Variants in TRAPPC9 observed in about 807,000 individuals in gnomAD.
TRAPPC9 encodes the protein IKK2 binding protein.
TRAPPC9 carries 83 observed loss-of-function variants against 124.0 expected under a neutral mutation model. The observed-to-expected ratio is 0.67, with a 90% CI of 0.56 to 0.80. The LOEUF is 0.80. Among genes scored for constraint, TRAPPC9 ranks in the 30% least tolerant of loss-of-function variants. The pLI is 0.00. For synonymous variants in TRAPPC9, 638 were observed against 617.5 expected (o/e 1.03, Z -0.49); for missense variants, 1,302 against 1,508.3 (o/e 0.86, Z 2.27).
Position 139,997,897 on chromosome 8 carries a change from C to T in TRAPPC9, c.2700-9061G>A, listed in dbSNP as rs1554603728. Among the ~76,000 whole-genome samples, 119 of 18,864 alleles carry T rather than the reference C, an allele frequency of 6.3e-3. 2 individuals carry two copies. The highest frequency in any genetic ancestry group is 0.062 in the Middle Eastern group (1 of 16). 12.4% of individuals were successfully genotyped at this position (18,864 alleles called of 152,430 possible). ...CCCACACAGGGGAGACAATGCATCC[C>T]ACACAGGGGAGACAATGCATCCCAC... On this transcript the variant is annotated intron_variant, in intron 18 of 22. Coordinates refer to ENST00000438773, the MANE Select transcript of TRAPPC9 (RefSeq NM_001160372.4).
Position 139,857,515 on chromosome 8 carries a change from T to C in TRAPPC9, c.3055+28364A>G, listed in dbSNP as rs116820280. ...AACGTGGACCCCAGTCCAGGCCTGC[T>C]GACACCAAGTCCAAGGCCCGTTCAC... On this transcript the variant is annotated intron_variant, in intron 21 of 22. Coordinates refer to ENST00000438773, the MANE Select transcript of TRAPPC9 (RefSeq NM_001160372.4). 2.2e-3 allele frequency among the ~76,000 whole-genome samples: 342 copies of C among 152,294 alleles called. 2 individuals are homozygous for C. The highest frequency in any genetic ancestry group is 8.0e-3 in the African/African-American group (334 of 41,568).
intron 18 of TRAPPC9, among the ~76,000 whole-genome samples, chr8:140,005,312 G>T (rs1266032277): frequency 1.3e-5 from 2 of 152,182 alleles, no homozygotes; most frequent in Non-Finnish European, 2.9e-5. Flanking sequence ...GCTTCACTGT[G>T]CAAGCTGAAC....
At chr8:139,848,448 G>A (rs532900632) in intron 21 of TRAPPC9, among the ~76,000 whole-genome samples, 3 of 152,256 alleles carry the variant, frequency 2.0e-5, no homozygotes, top group Admixed American at 1.3e-4. Context: ...ACACAACCCA[G>A]AGAGGAAAAC....
At chr8:139,771,640 G>A (rs1563801677) in intron 21 of TRAPPC9, among the ~76,000 whole-genome samples, 1 of 152,228 alleles carries the variant, frequency 6.6e-6, no homozygotes, top group African/African-American at 2.4e-5. Context: ...TTCACAGAGG[G>A]GAGTGGCAGC....
chr8:140,072,615 AGGAGGAG>A (rs1481960864), intron 17 of TRAPPC9, among the ~76,000 whole-genome samples: 3 of 148,864 alleles, frequency 2.0e-5, no homozygotes, highest in African/African-American at 7.4e-5. Context: ...GAGGAGGAGG[AGGAGGAG>A]GAGCGGTGGT....
At chr8:140,456,918 T>TTC in intron 1 of TRAPPC9, 1 of 804,456 alleles carries the variant, frequency 1.2e-6, no homozygotes, top group Non-Finnish European at 1.5e-6. Context: ...GTTGGGAAGG[T>TTC]CTGCAGGGGT....
At chr8:140,387,345 A>G (rs1025613089) in intron 7 of TRAPPC9, among the ~76,000 whole-genome samples, 4 of 152,248 alleles carry the variant, frequency 2.6e-5, no homozygotes, top group African/African-American at 7.2e-5. Context: ...TACCAAAAGC[A>G]ATGGCAACAA....
At chr8:140,424,983 T>G (rs2070370600) in intron 5 of TRAPPC9, among the ~76,000 whole-genome samples, 1 of 152,222 alleles carries the variant, frequency 6.6e-6, no homozygotes, top group Non-Finnish European at 1.5e-5. Context: ...CTGAACAATT[T>G]TACAACCCCT....
intron 17 of TRAPPC9, among the ~76,000 whole-genome samples, chr8:140,172,872 G>A (rs2061993225): frequency 6.6e-6 from 1 of 152,178 alleles, no homozygotes; most frequent in African/African-American, 2.4e-5. Context: ...CAAGTGCTCA[G>A]GTCCAATTAC....
chr8:140,376,553 TAAAAAAAAAAA>T (rs34319639), intron 7 of TRAPPC9, among the ~76,000 whole-genome samples: 8 of 49,766 alleles, frequency 1.6e-4, no homozygotes, highest in East Asian at 5.8e-4. Flanking sequence ...AGACTCCATC[TAAAAAAAAAAA>T]AAAAAAAAAA....
intron 2 of TRAPPC9, among the ~76,000 whole-genome samples, chr8:140,443,209 G>T (rs1179025749): frequency 6.7e-6 from 1 of 150,360 alleles, no homozygotes; most frequent in Non-Finnish European, 1.5e-5. Context: ...GCCAAGGCGG[G>T]CAGATCACAA....
intron 21 of TRAPPC9, among the ~76,000 whole-genome samples, chr8:139,866,321 T>C (rs1828533919): frequency 6.6e-6 from 1 of 152,208 alleles, no homozygotes; most frequent in South Asian, 2.1e-4. Flanking sequence ...GAGCCCTGGC[T>C]GAGGAGGAAG....
At chr8:140,378,964 T>A (rs925809533) in intron 7 of TRAPPC9, among the ~76,000 whole-genome samples, 1 of 152,208 alleles carries the variant, frequency 6.6e-6, no homozygotes, top group Non-Finnish European at 1.5e-5. Context: ...GGGATTTTTA[T>A]CTCTTAATCA....
chr8:140,403,727 G>A (rs1031399062), intron 6 of TRAPPC9, among the ~76,000 whole-genome samples: 2 of 150,560 alleles, frequency 1.3e-5, no homozygotes, highest in Non-Finnish European at 3.0e-5. Context: ...GTGTGATCTC[G>A]GCTCACTGCA....
chr8:140,332,036 G>A (rs1372894276), intron 9 of TRAPPC9, among the ~76,000 whole-genome samples: 4 of 152,104 alleles, frequency 2.6e-5, no homozygotes, highest in Non-Finnish European at 5.9e-5. Flanking sequence ...GTCTACCGCA[G>A]CACTAAGTCA....
At chr8:140,370,150 G>GT (rs1323130647) in intron 8 of TRAPPC9, among the ~76,000 whole-genome samples, 18 of 150,502 alleles carry the variant, frequency 1.2e-4, no homozygotes, top group East Asian at 7.8e-4. Context: ...GTTTTTTTGG[G>GT]TTTTTTTTAG....
At chr8:139,755,758 G>A (rs1358514256) in intron 21 of TRAPPC9, among the ~76,000 whole-genome samples, 2 of 133,604 alleles carry the variant, frequency 1.5e-5, no homozygotes, top group African/African-American at 5.8e-5. Flanking sequence ...GGTCGCAGGG[G>A]GAGCCAGGGT....
At chr8:140,371,344 G>A (rs1012091710) in intron 7 of TRAPPC9, among the ~76,000 whole-genome samples, 164 bp from the exon 8 acceptor site, 2 of 152,262 alleles carry the variant, frequency 1.3e-5, no homozygotes, top group Non-Finnish European at 2.9e-5. Context: ...GGCCCCAGGT[G>A]GCTTCAGACC....
At chr8:140,268,579 A>C (rs1226773983) in intron 15 of TRAPPC9, among the ~76,000 whole-genome samples, 1 of 152,174 alleles carries the variant, frequency 6.6e-6, no homozygotes, top group Non-Finnish European at 1.5e-5. Context: ...AAGTCACAAG[A>C]GCTGGGAAGG....
Sources: allele counts gnomAD v4.1 joint callset (sites outside exome capture counted in the v4.1 genomes callset), GRCh38; gene constraint gnomAD v4.1.1; transcripts MANE v1.5; gene names NCBI Gene and HGNC (gene_info 2026-07-23, HGNC 2026-07-21).